Variants in MAGI3 observed in about 807,000 individuals in gnomAD.
The protein encoded by MAGI3 is membrane associated guanylate kinase, WW and PDZ domain containing 3, also known as membrane-associated guanylate kinase, WW and PDZ domain-containing protein 3.
In MAGI3, 43 loss-of-function variants were observed where a neutral mutation model predicts 121.8. That is an observed-to-expected ratio of 0.35 (90% CI 0.28 to 0.46). The LOEUF (loss-of-function observed/expected upper bound fraction) is 0.46. Among genes scored for constraint, MAGI3 ranks in the 20% least tolerant of loss-of-function variants. The pLI is 1.00. For missense variants in MAGI3, 1,547 were observed against 1,797.3 expected (o/e 0.86, Z 2.52); for synonymous variants, 553 against 639.3 (o/e 0.86, Z 2.04).
At chr1:113,548,748 A>G (rs1659644877) in intron 1 of MAGI3, among the ~76,000 whole-genome samples, 1 of 152,236 alleles carries the variant, frequency 6.6e-6, no homozygotes, top group South Asian at 2.1e-4. Flanking sequence ...TTTAAATCTC[A>G]CTCTGGCTTC....
chr1:113,447,001 G>T (rs894277287), intron 1 of MAGI3, among the ~76,000 whole-genome samples: 10 of 152,290 alleles, frequency 6.6e-5, no homozygotes, highest in Admixed American at 3.3e-4. Context: ...GTGCAGTGGA[G>T]GATAGAATGC....
chr1:113,394,456 C>T (rs969273835), intron 1 of MAGI3, among the ~76,000 whole-genome samples: 2 of 152,070 alleles, frequency 1.3e-5, no homozygotes, highest in Non-Finnish European at 2.9e-5. Flanking sequence ...TGTCTTTTCC[C>T]AGTAGTAAAG....
At chr1:113,453,682 T>C (rs1654600275) in intron 1 of MAGI3, among the ~76,000 whole-genome samples, 1 of 151,840 alleles carries the variant, frequency 6.6e-6, no homozygotes, top group African/African-American at 2.4e-5. Flanking sequence ...ATAGTGGAGA[T>C]AGCCCATTTG....
chr1:113,576,005 CTACTCAAG>C (rs540228628), intron 2 of MAGI3, among the ~76,000 whole-genome samples: 12 of 152,184 alleles, frequency 7.9e-5, no homozygotes, highest in Non-Finnish European at 1.6e-4. Flanking sequence ...GGAAAACCAC[CTACTCAAG>C]TCTCTGCCAT....
chr1:113,519,883 T>G (rs1388716111), intron 1 of MAGI3, among the ~76,000 whole-genome samples: 2 of 152,204 alleles, frequency 1.3e-5, no homozygotes, highest in African/African-American at 4.8e-5. Flanking sequence ...CAGGGAATAG[T>G]AGGAACTCTC....
At chr1:113,450,252 G>A in intron 1 of MAGI3, 1 of 1,601,810 alleles carries the variant, frequency 6.2e-7, no homozygotes, top group South Asian at 1.1e-5. Flanking sequence ...AACAAGAGAT[G>A]CAGTCTGCTG....
chr1:113,623,651 C>A lies in MAGI3; in HGVS notation c.1360+657C>A, dbSNP rs368635394. The stretch of plus-strand genomic sequence containing the variant: ...TACAGGCGCCCGCCACCACGCCTGG[C>A]TAATTTTTTGTATTTTTAGTAGAGA... On this transcript the variant is annotated intron_variant, in intron 9 of 20. Coordinates refer to ENST00000307546, the MANE Select transcript of MAGI3 (RefSeq NM_001142782.2). Among the ~76,000 whole-genome samples the A allele has an allele frequency of 1.2e-3, 181 of 152,104 alleles. 2 individuals are homozygous for A. The highest frequency in any genetic ancestry group is 4.3e-3 in the African/African-American group (180 of 41,502).
chr1:113,508,569 A>G (rs544902433), intron 1 of MAGI3, among the ~76,000 whole-genome samples: 44 of 152,314 alleles, frequency 2.9e-4, no homozygotes, highest in Middle Eastern at 3.4e-3. Context: ...ACAGCTATGG[A>G]GGATGTGAGA....
chr1:113,420,492 G>A (rs2101379166), intron 1 of MAGI3, among the ~76,000 whole-genome samples: 1 of 152,266 alleles, frequency 6.6e-6, no homozygotes, highest in South Asian at 2.1e-4. Context: ...GTTCTTTTGG[G>A]TTAAATATAT....
At chr1:113,547,844 C>T (rs1171948198) in intron 1 of MAGI3, among the ~76,000 whole-genome samples, 1 of 152,166 alleles carries the variant, frequency 6.6e-6, no homozygotes, top group Admixed American at 6.5e-5. Flanking sequence ...AGAGATTCTT[C>T]TGTGTTCATC....
intron 1 of MAGI3, among the ~76,000 whole-genome samples, chr1:113,415,462 T>G (rs1304384150): frequency 6.6e-6 from 1 of 152,076 alleles, no homozygotes; most frequent in East Asian, 1.9e-4. Flanking sequence ...TTTCTCCTTT[T>G]TTTCCTATCA....
At chr1:113,629,765 TCCCTCCCTCC>T (rs1651498662) in intron 9 of MAGI3, among the ~76,000 whole-genome samples, 1 of 106,234 alleles carries the variant, frequency 9.4e-6, no homozygotes, top group Non-Finnish European at 2.0e-5. Flanking sequence ...TCTCTCTCCC[TCCCTCCCTCC>T]CTCCCTCCCT....
At chr1:113,600,230 G>A (rs7524109) in intron 6 of MAGI3, among the ~76,000 whole-genome samples, 1 of 152,120 alleles carries the variant, frequency 6.6e-6, no homozygotes, top group Non-Finnish European at 1.5e-5. Context: ...AGGGCAATTA[G>A]GCAGGAGAAG....
At chr1:113,652,969 C>A (rs150746416) in intron 14 of MAGI3, among the ~76,000 whole-genome samples, 1,595 of 152,232 alleles carry the variant, frequency 0.01, 17 homozygotes, top group Non-Finnish European at 0.016. Context: ...TGTGTCCCAG[C>A]AAGTTGAGGG....
chr1:113,665,722 T>A (rs1461018454), intron 16 of MAGI3, among the ~76,000 whole-genome samples: 1 of 152,188 alleles, frequency 6.6e-6, no homozygotes, highest in Non-Finnish European at 1.5e-5. Flanking sequence ...AGAGTTCTAG[T>A]ATGTTCTCTC....
At position 113,683,535 on chromosome 1, in the gene MAGI3, A is replaced by T; in HGVS notation, c.3967A>T (p.Asn1323Tyr). 6.2e-7 allele frequency: 1 copy of T among 1,614,018 alleles called. No individual in the cohort carries two copies. The highest frequency in any genetic ancestry group is 8.5e-7 in the Non-Finnish European group (1 of 1,179,898). ...AAGAATAGCAGGCTATACGGGCAGT[A>T]ATGCTGAGCAGATCCCAGATGGGAA... ...SRRIAGYTGS[N>Y]AEQIPDGKEK... is the part of the protein sequence containing the mutation. The change falls in exon 21 of 21, where the codon AAT becomes TAT. Residue 1323 changes from asparagine (N) to tyrosine (Y), a missense_variant. Asn to Tyr is a moderately radical substitution (Grantham distance 143, BLOSUM62 -2). Coordinates refer to ENST00000307546, the MANE Select transcript of MAGI3 (RefSeq NM_001142782.2).
chr1:113,580,485 A>T (rs1647951202), intron 2 of MAGI3, 57 bp from the exon 3 acceptor site: 2 of 1,504,478 alleles, frequency 1.3e-6, no homozygotes, highest in East Asian at 4.6e-5. Context: ...TTTACTTTGA[A>T]TATTTTGTAA....
Position 113,628,689 on chromosome 1 carries a change from A to G in MAGI3, c.1360+5695A>G, listed in dbSNP as rs1331894344. Among the ~76,000 whole-genome samples the G allele has an allele frequency of 2.6e-5, 4 of 152,290 alleles. No individual in the cohort carries two copies. In the East Asian group the frequency reaches 5.8e-4, roughly 22 times the overall value. ...ACAGGATATTTTTGCCAGATACACT[A>G]TTATAGAGTAAAAGGTTTTTTTCCT... On this transcript the variant is annotated intron_variant, in intron 9 of 20. Coordinates refer to ENST00000307546, the MANE Select transcript of MAGI3 (RefSeq NM_001142782.2).
rs146153517 is a variant in MAGI3, at chr1:113,644,210, G to A, written c.1998+436G>A. 9.3e-3 allele frequency among the ~76,000 whole-genome samples: 1,421 copies of A among 152,242 alleles called. 13 individuals are homozygous for A. Among genetic ancestry groups the A allele is most frequent in the Non-Finnish European group, 0.012 (805 of 68,020 alleles). On this transcript the variant is annotated intron_variant, in intron 11 of 20. Transcript: ENST00000307546. ...ATAATTTTGTGGGGACTATAAATAT[G>A]CATGCACCTTTAGATAATCTTCTTA...
Sources: allele counts gnomAD v4.1 joint callset (sites outside exome capture counted in the v4.1 genomes callset), GRCh38; gene constraint gnomAD v4.1.1; transcripts MANE v1.5; gene names NCBI Gene and HGNC (gene_info 2026-07-23, HGNC 2026-07-21).